The following ALDH1L1 variants were observed in gnomAD, a reference collection of about 807,000 sequenced individuals.
The protein encoded by ALDH1L1 is cytosolic 10-formyltetrahydrofolate dehydrogenase.
ALDH1L1 carries 68 observed loss-of-function variants against 101.1 expected under a neutral mutation model. That is an observed-to-expected ratio of 0.67 (90% CI 0.55 to 0.82). The LOEUF is 0.82. ALDH1L1 is among the 40% of genes least tolerant of loss of function. The pLI is 0.00. For missense variants in ALDH1L1, 1,087 were observed against 1,172.7 expected (o/e 0.93, Z 1.07); for synonymous variants, 486 against 470.8 (o/e 1.03, Z -0.42).
At chr3:126,167,643 G>A (rs556287994) in intron 1 of ALDH1L1, among the ~76,000 whole-genome samples, 98 of 151,716 alleles carry the variant, frequency 6.5e-4, no homozygotes, top group African/African-American at 2.3e-3. Context: ...TAATGTTAAC[G>A]TGGGAGCCAG....
At chr3:126,162,676 C>CAGAT (rs1301002699) in intron 1 of ALDH1L1, among the ~76,000 whole-genome samples, 5 of 152,200 alleles carry the variant, frequency 3.3e-5, no homozygotes, top group Admixed American at 2.6e-4. Context: ...TTTTGATGAA[C>CAGAT]AGATGTTCTT....
chr3:126,146,996 A>C, intron 8 of ALDH1L1, 70 bp from the exon 9 acceptor site: 2 of 1,431,738 alleles, frequency 1.4e-6, no homozygotes, highest in Non-Finnish European at 1.9e-6. Context: ...CAGGACAACA[A>C]CCCCTGAACA....
intron 3 of ALDH1L1, among the ~76,000 whole-genome samples, chr3:126,157,949 G>A (rs996346918): frequency 3.3e-5 from 5 of 152,144 alleles, no homozygotes; most frequent in African/African-American, 9.7e-5. Context: ...TCCCCTCAGA[G>A]TACCTTGTGG....
intron 4 of ALDH1L1, 22 bp downstream of exon 4, chr3:126,157,321 G>C (rs755193568): frequency 6.3e-7 from 1 of 1,599,240 alleles, no homozygotes; most frequent in Non-Finnish European, 8.5e-7. Context: ...CGGGCAGGGC[G>C]CGGCCGGCTC....
At chr3:126,151,722 C>T (rs2108281651) in intron 7 of ALDH1L1, 1 of 152,466 alleles carries the variant, frequency 6.6e-6, no homozygotes, top group African/African-American at 2.4e-5. Flanking sequence ...ACCCTCGCCC[C>T]ATTGCCTTTC....
Position 126,158,406 on chromosome 3 carries a change from A to T in ALDH1L1, c.361T>A (p.Trp121Arg). The T allele has an allele frequency of 6.3e-7, 1 of 1,584,994 alleles. No individual in the cohort carries two copies. Among genetic ancestry groups the T allele is most frequent in the Non-Finnish European group, 8.6e-7 (1 of 1,161,554 alleles). The change falls in exon 3 of 23, where the codon TGG becomes AGG. Residue 121 changes from tryptophan (W) to arginine (R), a missense_variant and splice_region_variant. This residue lies in a region of ALDH1L1 where 645 missense variants were observed against 637.0 expected (regional missense o/e 1.01). Coordinates refer to ENST00000393434, the MANE Select transcript of ALDH1L1 (RefSeq NM_012190.4). ...PRHRGASAINWTLIHGDKKGG... is the reference protein window; with the variant it reads ...PRHRGASAINRTLIHGDKKGG... ...CCCTGTGTTTTTGCCCCATCTCACC[A>T]GTTGATGGCCGAGGCCCCTCGGTGC...
At chr3:126,188,071 T>C (rs574917876) in intron 1 of ALDH1L1, among the ~76,000 whole-genome samples, 25 of 152,282 alleles carry the variant, frequency 1.6e-4, no homozygotes, top group Non-Finnish European at 2.9e-4. Context: ...AACAACTTAA[T>C]TGGTTGCAGC....
At chr3:126,162,425 A>C (rs893795639) in intron 1 of ALDH1L1, among the ~76,000 whole-genome samples, 1 of 152,204 alleles carries the variant, frequency 6.6e-6, no homozygotes, top group African/African-American at 2.4e-5. Flanking sequence ...TGACCAATGA[A>C]GTCGAATGCC....
chr3:126,121,076 T>C (rs1421325661), intron 16 of ALDH1L1, among the ~76,000 whole-genome samples: 1 of 152,150 alleles, frequency 6.6e-6, no homozygotes, highest in African/African-American at 2.4e-5. Flanking sequence ...ACCAGTGTTC[T>C]TATAAAAATG....
chr3:126,112,697 C>G, intron 19 of ALDH1L1, 85 bp downstream of exon 19: 1 of 1,343,362 alleles, frequency 7.4e-7, no homozygotes, highest in Non-Finnish European at 1.1e-6. Context: ...TTGACCCTGC[C>G]CTGTCTCCCC....
At chr3:126,134,085 G>GT (rs1225678118) in intron 12 of ALDH1L1, among the ~76,000 whole-genome samples, 1 of 152,128 alleles carries the variant, frequency 6.6e-6, no homozygotes, top group African/African-American at 2.4e-5. Flanking sequence ...ACCCACGGTG[G>GT]TCCCGCCACC....
chr3:126,105,950 T>G (rs988112359), intron 21 of ALDH1L1, 25 bp from the exon 22 acceptor site: 3 of 1,606,796 alleles, frequency 1.9e-6, no homozygotes, highest in Non-Finnish European at 2.6e-6. Flanking sequence ...CAGGAAGAAC[T>G]CCCTGAGGGA....
At chr3:126,127,299 C>T (rs995417295) in intron 14 of ALDH1L1, among the ~76,000 whole-genome samples, 32 of 152,298 alleles carry the variant, frequency 2.1e-4, no homozygotes, top group East Asian at 5.8e-4. Context: ...CTGTGAAAAC[C>T]GACTTTCATT....
At chr3:126,128,161 C>T (rs566061142) in intron 14 of ALDH1L1, among the ~76,000 whole-genome samples, 3 of 152,142 alleles carry the variant, frequency 2.0e-5, no homozygotes, top group Non-Finnish European at 4.4e-5. Context: ...ACTGGGAAGC[C>T]ACCCGAGGAT....
At chr3:126,139,314 A>T (rs930740771) in intron 9 of ALDH1L1, among the ~76,000 whole-genome samples, 1 of 152,242 alleles carries the variant, frequency 6.6e-6, no homozygotes, top group Non-Finnish European at 1.5e-5. Context: ...TGGAACAGAA[A>T]GTTCAACGAC....
chr3:126,177,022 G>T (rs762725767), intron 1 of ALDH1L1, among the ~76,000 whole-genome samples: 1 of 152,128 alleles, frequency 6.6e-6, no homozygotes, highest in African/African-American at 2.4e-5. Context: ...TACTATATGC[G>T]TATTAGAAGA....
intron 15 of ALDH1L1, 52 bp from the exon 16 acceptor site, chr3:126,124,503 G>A (rs764927168): frequency 1.4e-6 from 2 of 1,470,912 alleles, no homozygotes; most frequent in Non-Finnish European, 1.9e-6. Flanking sequence ...TTGAAAGTGG[G>A]GCTCTGCCTT....
chr3:126,155,573 ATT>A, intron 4 of ALDH1L1, 70 bp from the exon 5 acceptor site: 1 of 1,410,280 alleles, frequency 7.1e-7, no homozygotes, highest in South Asian at 1.3e-5. Context: ...CAGGGCCCAC[ATT>A]GAGCCTGGAC....
intron 1 of ALDH1L1, among the ~76,000 whole-genome samples, chr3:126,194,149 G>A (rs189176338): frequency 2.3e-4 from 35 of 152,256 alleles, no homozygotes; most frequent in Middle Eastern, 3.4e-3. Flanking sequence ...TATTTCTGTG[G>A]TCTACAGTAA....
Sources: allele counts gnomAD v4.1 joint callset (sites outside exome capture counted in the v4.1 genomes callset), GRCh38; gene constraint gnomAD v4.1.1; regional missense constraint gnomAD v4.1.1; transcripts MANE v1.5; gene names NCBI Gene and HGNC (gene_info 2026-07-23, HGNC 2026-07-21).